Variants in GRXCR1 observed in about 807,000 individuals in gnomAD.
GRXCR1 encodes glutaredoxin and cysteine rich domain containing 1.
GRXCR1 carries 27 observed loss-of-function variants against 27.3 expected under a neutral mutation model. That is an observed-to-expected ratio of 0.99 (90% confidence interval 0.73 to 1.37). The LOEUF is 1.37. Ranked by LOEUF, GRXCR1 falls within the 40% of genes most tolerant of loss-of-function variation. The pLI is 0.00. For synonymous variants in GRXCR1, 122 were observed against 131.1 expected, an observed-to-expected ratio of 0.93 and a Z score of 0.47; for missense variants, 379 against 354.4, an observed-to-expected ratio of 1.07 and a Z score of -0.56.
At chr4:42,902,059 A>G (rs1309759859) in intron 1 of GRXCR1, among the ~76,000 whole-genome samples, 1 of 152,166 alleles carries the variant, frequency 6.6e-6, no homozygotes, top group African/African-American at 2.4e-5. Context: ...TAGTCCAGGC[A>G]TTTAAAATCT....
chr4:42,962,794 T>A, intron 1 of GRXCR1, 98 bp from the exon 2 acceptor site: 1 of 1,376,442 alleles, frequency 7.3e-7, no homozygotes, highest in South Asian at 1.2e-5. Flanking sequence ...TCATTCAATT[T>A]TATTGCATGG....
chr4:42,915,516 A>G (rs1163877400), intron 1 of GRXCR1, among the ~76,000 whole-genome samples: 2 of 152,076 alleles, frequency 1.3e-5, no homozygotes, highest in Non-Finnish European at 2.9e-5. Context: ...GTCTGGAACT[A>G]TATCTTAAAT....
chr4:42,940,440 A>C (rs1467968477), intron 1 of GRXCR1, among the ~76,000 whole-genome samples: 1 of 152,056 alleles, frequency 6.6e-6, no homozygotes, highest in Non-Finnish European at 1.5e-5. Flanking sequence ...AGTATTGTCT[A>C]GTTTTATCTT....
At chr4:42,917,535 C>T (rs1746912285) in intron 1 of GRXCR1, among the ~76,000 whole-genome samples, 1 of 152,156 alleles carries the variant, frequency 6.6e-6, no homozygotes, top group Non-Finnish European at 1.5e-5. Flanking sequence ...TATGATCTCT[C>T]TCCCTTACAT....
intron 1 of GRXCR1, among the ~76,000 whole-genome samples, chr4:42,931,039 T>C (rs954903610): frequency 3.3e-5 from 5 of 151,840 alleles, no homozygotes; most frequent in African/African-American, 1.2e-4. Flanking sequence ...TGAGCCAACA[T>C]TCCTGAGGAC....
At chr4:43,025,483 G>A (rs982445039) in intron 3 of GRXCR1, among the ~76,000 whole-genome samples, 1 of 152,210 alleles carries the variant, frequency 6.6e-6, no homozygotes, top group Non-Finnish European at 1.5e-5. Context: ...ACAGAAAGAG[G>A]TAAAGTGGAG....
chr4:42,964,990 C>A (rs980805246), intron 2 of GRXCR1, among the ~76,000 whole-genome samples: 1 of 152,014 alleles, frequency 6.6e-6, no homozygotes, highest in African/African-American at 2.4e-5. Flanking sequence ...AACTCCTGTG[C>A]AACTGCACAG....
chr4:42,895,055 C>G (rs564392797), intron 1 of GRXCR1, among the ~76,000 whole-genome samples: 1 of 151,984 alleles, frequency 6.6e-6, no homozygotes, highest in Non-Finnish European at 1.5e-5. Flanking sequence ...CAAATCTCCC[C>G]CCAAATTTAT....
At chr4:42,967,265 A>G (rs1473557182) in intron 2 of GRXCR1, among the ~76,000 whole-genome samples, 1 of 152,072 alleles carries the variant, frequency 6.6e-6, no homozygotes, top group Non-Finnish European at 1.5e-5. Flanking sequence ...TTGCATATGG[A>G]TGCTCAGTTG....
At position 42,926,822 on chromosome 4, in the gene GRXCR1, G is replaced by A. The variant is rs564450389; in HGVS notation, c.384+33172G>A. Among the ~76,000 whole-genome samples the A allele has an allele frequency of 3.3e-5, 5 of 151,936 alleles. No individual in the cohort carries two copies. The South Asian group carries it at 1.0e-3, about 31-fold the overall frequency. Reference sequence around the variant, plus strand: ...CAACAGAAAAATCAGTTCCCAAATAGCATATTGGTTTTCCATGGTTTTCTT... The same window carrying A: ...CAACAGAAAAATCAGTTCCCAAATAACATATTGGTTTTCCATGGTTTTCTT... On this transcript the variant is annotated intron_variant, in intron 1 of 3. Coordinates refer to ENST00000399770, the MANE Select transcript of GRXCR1 (RefSeq NM_001080476.3).
intron 1 of GRXCR1, among the ~76,000 whole-genome samples, chr4:42,919,731 G>A (rs868298747): frequency 3.3e-5 from 5 of 152,120 alleles, no homozygotes; most frequent in Middle Eastern, 3.4e-3. Context: ...CAGGAAATGT[G>A]TTACATGCTG....
At chr4:42,897,765 T>TAAC (rs1746379056) in intron 1 of GRXCR1, among the ~76,000 whole-genome samples, 1 of 151,996 alleles carries the variant, frequency 6.6e-6, no homozygotes, top group South Asian at 2.1e-4. Flanking sequence ...TAGCATGAAG[T>TAAC]AACAATGGCT....
At chr4:43,008,878 G>A (rs929237696) in intron 2 of GRXCR1, among the ~76,000 whole-genome samples, 32 of 152,196 alleles carry the variant, frequency 2.1e-4, no homozygotes, top group Admixed American at 7.2e-4. Context: ...GGGATGCAGT[G>A]AAGATTAAAT....
At position 42,954,110 on chromosome 4, in the gene GRXCR1, C is replaced by A. The variant is rs528425507; in HGVS notation, c.385-8782C>A. Among the ~76,000 whole-genome samples, 83 of 152,166 alleles carry A rather than the reference C, an allele frequency of 5.5e-4. 1 individual carries two copies. Among genetic ancestry groups the A allele is most frequent in the African/African-American group, 2.0e-3 (81 of 41,530 alleles). ...GGGTTCTTAGTTCTAATGAAAAAAA[C>A]TAAGTCCTTGCTTCAGTGAGTTTAT... On this transcript the variant is annotated intron_variant, in intron 1 of 3. Coordinates refer to ENST00000399770, the MANE Select transcript of GRXCR1 (RefSeq NM_001080476.3).
chr4:42,959,128 T>C (rs1164923241), intron 1 of GRXCR1, among the ~76,000 whole-genome samples: 2 of 151,954 alleles, frequency 1.3e-5, no homozygotes, highest in East Asian at 3.9e-4. Flanking sequence ...CATGCTTATG[T>C]TTATTGCATC....
chr4:42,956,969 A>G (rs4346680), intron 1 of GRXCR1, among the ~76,000 whole-genome samples: 7,268 of 152,144 alleles, frequency 0.048, 217 homozygotes, highest in African/African-American at 0.08. Context: ...AAAATACAAC[A>G]TGGTATCAAC....
At chr4:42,947,851 T>C (rs1026015231) in intron 1 of GRXCR1, among the ~76,000 whole-genome samples, 2 of 152,226 alleles carry the variant, frequency 1.3e-5, no homozygotes, top group Non-Finnish European at 2.9e-5. Flanking sequence ...TTTACAAAAC[T>C]ACATCAGTCA....
chr4:42,976,410 A>G (rs184141622), intron 2 of GRXCR1, among the ~76,000 whole-genome samples: 1 of 152,160 alleles, frequency 6.6e-6, no homozygotes, highest in East Asian at 1.9e-4. Flanking sequence ...TGTATGTTTT[A>G]TATCTTTAAA....
chr4:43,008,660 T>TC (rs1712641935), intron 2 of GRXCR1, among the ~76,000 whole-genome samples: 3 of 152,204 alleles, frequency 2.0e-5, no homozygotes, highest in Admixed American at 6.5e-5. Flanking sequence ...TCTCATAGTA[T>TC]CCCTAAGAGG....
Sources: allele counts gnomAD v4.1 joint callset (sites outside exome capture counted in the v4.1 genomes callset), GRCh38; gene constraint gnomAD v4.1.1; transcripts MANE v1.5; gene names NCBI Gene and HGNC (gene_info 2026-07-23, HGNC 2026-07-21).